CSMD3: variants seen among roughly 807,000 people sequenced by gnomAD.
CSMD3 encodes the protein CUB and sushi domain-containing protein 3.
Under a neutral mutation model 435.2 loss-of-function variants are expected in CSMD3, and 177 were observed. The observed-to-expected ratio is 0.41, with a 90% CI of 0.36 to 0.46. CSMD3 has a LOEUF of 0.46. CSMD3 is among the 20% of genes least tolerant of loss of function. The pLI is 0.34. For missense variants in CSMD3, 4,265 were observed against 4,504.6 expected, an observed-to-expected ratio of 0.95 and a Z score of 1.52; for synonymous variants, 1,656 against 1,520.5, an observed-to-expected ratio of 1.09 and a Z score of -2.07.
At chr8:112,430,601 T>G (rs1813556975) in intron 32 of CSMD3, among the ~76,000 whole-genome samples, 1 of 152,002 alleles carries the variant, frequency 6.6e-6, no homozygotes, top group Admixed American at 6.6e-5. Context: ...TATATGAATA[T>G]CAATTCATAA....
chr8:112,316,076 A>G (rs1446011609), intron 47 of CSMD3, among the ~76,000 whole-genome samples: 1 of 151,842 alleles, frequency 6.6e-6, no homozygotes. Flanking sequence ...GCAGCATATG[A>G]TTTCTCTATA....
At chr8:112,279,013 AAAC>A (rs200149218) in intron 59 of CSMD3, among the ~76,000 whole-genome samples, 20,882 of 119,058 alleles carry the variant, frequency 0.18, 2,175 homozygotes, top group African/African-American at 0.3. Flanking sequence ...CACCCCCAAA[AAAC>A]AACAACAACA....
chr8:112,858,469 C>T (rs904011287), intron 11 of CSMD3, among the ~76,000 whole-genome samples: 3 of 151,564 alleles, frequency 2.0e-5, no homozygotes, highest in Admixed American at 6.6e-5. Flanking sequence ...ATGATTTTTC[C>T]TATTTAGGTC....
chr8:112,573,508 C>T lies in CSMD3; in HGVS notation c.4035G>A (p.Val1345=), dbSNP rs764365430. 6.8e-6 allele frequency: 11 copies of T among 1,613,036 alleles called. No individual in the cohort carries two copies. Among genetic ancestry groups the T allele is most frequent in the Non-Finnish European group, 3.4e-6 (4 of 1,179,300 alleles). ...CTCTTCTAAAATACTTACTGGTATA[C>T]ACAAGTTGAAAGCCTTCATCTGTCC... The part of the protein sequence containing the change: ...TEGTDEGFQL[V]YTSFELSHCE... Residue 1345 remains valine, a synonymous_variant, in exon 24 of 71, where the codon GTG becomes GTA. Transcript: ENST00000297405.
chr8:113,083,295 C>A (rs2089636429), intron 5 of CSMD3, among the ~76,000 whole-genome samples: 1 of 152,010 alleles, frequency 6.6e-6, no homozygotes, highest in Non-Finnish European at 1.5e-5. Context: ...TAATAGATTT[C>A]TCAGCAGGAA....
intron 22 of CSMD3, among the ~76,000 whole-genome samples, chr8:112,624,085 T>A (rs1037317507): frequency 7.2e-5 from 11 of 152,106 alleles, no homozygotes; most frequent in Non-Finnish European, 1.6e-4. Flanking sequence ...TGAAAATTTT[T>A]AATGCTACAT....
chr8:112,334,225 A>G (rs1824357283), intron 45 of CSMD3, among the ~76,000 whole-genome samples: 1 of 152,204 alleles, frequency 6.6e-6, no homozygotes, highest in Admixed American at 6.5e-5. Context: ...CTATGGAGAA[A>G]CTAATTAGAT....
chr8:112,761,974 T>G (rs552662837), intron 13 of CSMD3, among the ~76,000 whole-genome samples: 3 of 152,090 alleles, frequency 2.0e-5, no homozygotes, highest in East Asian at 3.9e-4. Flanking sequence ...ATTTATAAGA[T>G]TTTCACCTTT....
chr8:113,206,925 C>G (rs755368099), intron 3 of CSMD3, among the ~76,000 whole-genome samples: 1 of 152,068 alleles, frequency 6.6e-6, no homozygotes, highest in Non-Finnish European at 1.5e-5. Flanking sequence ...ATAGTTTCTG[C>G]TGATGTTAAT....
At chr8:112,336,415 T>C (rs1379531859) in intron 44 of CSMD3, among the ~76,000 whole-genome samples, 1 of 152,178 alleles carries the variant, frequency 6.6e-6, no homozygotes, top group Non-Finnish European at 1.5e-5. Context: ...TTTAATCTTG[T>C]TTTCACCTAT....
At chr8:112,914,426 T>C (rs1486539539) in intron 10 of CSMD3, among the ~76,000 whole-genome samples, 1 of 151,820 alleles carries the variant, frequency 6.6e-6, no homozygotes, top group Non-Finnish European at 1.5e-5. Flanking sequence ...AGTGAGTATC[T>C]GCCATGTGCC....
intron 6 of CSMD3, among the ~76,000 whole-genome samples, chr8:112,978,638 T>C (rs2084939275): frequency 6.6e-6 from 1 of 152,122 alleles, no homozygotes; most frequent in East Asian, 1.9e-4. Context: ...TGTTTAAGGT[T>C]GAAATAAAGC....
intron 7 of CSMD3, among the ~76,000 whole-genome samples, chr8:112,963,602 C>T (rs982930159): frequency 6.6e-6 from 1 of 151,892 alleles, no homozygotes; most frequent in Non-Finnish European, 1.5e-5. Flanking sequence ...CGCAACTGTG[C>T]TGTTTTCTAG....
intron 5 of CSMD3, among the ~76,000 whole-genome samples, chr8:113,052,751 C>A (rs552008265): frequency 6.6e-6 from 1 of 152,288 alleles, no homozygotes; most frequent in Admixed American, 6.5e-5. Flanking sequence ...GCACTGCAGC[C>A]TGGATAACAG....
intron 3 of CSMD3, among the ~76,000 whole-genome samples, chr8:113,183,901 A>C (rs2131944822): frequency 6.6e-6 from 1 of 152,120 alleles, no homozygotes; most frequent in Admixed American, 6.6e-5. Context: ...GCAAGCAATC[A>C]ATTTTTGCAG....
chr8:112,698,682 A>C (rs1390596123), intron 13 of CSMD3, among the ~76,000 whole-genome samples: 2 of 152,178 alleles, frequency 1.3e-5, no homozygotes, highest in East Asian at 1.9e-4. Flanking sequence ...AACAAAGATA[A>C]TGGCAGAGTA....
At chr8:112,342,058 T>C (rs1825171080) in intron 41 of CSMD3, among the ~76,000 whole-genome samples, 2 of 152,132 alleles carry the variant, frequency 1.3e-5, no homozygotes, top group Admixed American at 1.3e-4. Flanking sequence ...ATGGAAAAGG[T>C]CAATCTAAGG....
At chr8:112,227,124 A>T (rs1481894353) in intron 70 of CSMD3, among the ~76,000 whole-genome samples, 2 of 152,152 alleles carry the variant, frequency 1.3e-5, no homozygotes, top group African/African-American at 4.8e-5. Flanking sequence ...TTATACACAA[A>T]TGTGTACAGT....
intron 3 of CSMD3, among the ~76,000 whole-genome samples, chr8:113,261,332 T>A (rs1171264315): frequency 6.6e-6 from 1 of 152,170 alleles, no homozygotes; most frequent in Non-Finnish European, 1.5e-5. Context: ...TAATTATCAA[T>A]AAAGTTCTTA....
Sources: allele counts gnomAD v4.1 joint callset (sites outside exome capture counted in the v4.1 genomes callset), GRCh38; gene constraint gnomAD v4.1.1; transcripts MANE v1.5; gene names NCBI Gene and HGNC (gene_info 2026-07-23, HGNC 2026-07-21).